The following RRH variants were observed in gnomAD, a reference collection of about 807,000 sequenced individuals.
RRH encodes the protein visual pigment-like receptor peropsin.
Under a neutral mutation model 33.1 loss-of-function variants are expected in RRH, and 36 were observed. The ratio of observed to expected loss-of-function variants is 1.09; its 90% CI spans 0.83 to 1.44. The LOEUF (loss-of-function observed/expected upper bound fraction) is 1.44, where lower values mean the gene tolerates loss of function less well. Among genes scored for constraint, RRH ranks in the 40% most tolerant of loss-of-function variants. RRH has a pLI of 0.00. For missense variants in RRH, 393 were observed against 420.2 expected, an observed-to-expected ratio of 0.94 and a Z score of 0.57; for synonymous variants, 124 against 140.2, an observed-to-expected ratio of 0.88 and a Z score of 0.82.
At position 109,837,521 on chromosome 4, in the gene RRH, C is replaced by CA; in HGVS notation, c.637dup (p.Thr213AsnfsTer5). The CA allele has an allele frequency of 6.2e-7, 1 of 1,613,190 alleles. No individual in the cohort carries two copies. Among genetic ancestry groups the CA allele is most frequent in the Non-Finnish European group, 8.5e-7 (1 of 1,179,172 alleles). Reference sequence around the variant, plus strand: ...TGATGTTTTACTGCTATTACCATGTCACGCTATCCATTAAACATCACACTA... The same window carrying CA: ...TGATGTTTTACTGCTATTACCATGTCAACGCTATCCATTAAACATCACACTA... On this transcript the variant is annotated frameshift_variant, in exon 5 of 7. Coordinates refer to ENST00000317735, the MANE Select transcript of RRH (RefSeq NM_006583.5). LOFTEE classifies it high-confidence loss of function.
intron 2 of RRH, among the ~76,000 whole-genome samples, chr4:109,834,132 C>A (rs1313517900): frequency 1.3e-5 from 2 of 152,036 alleles, no homozygotes; most frequent in Non-Finnish European, 2.9e-5. Context: ...TAAATGATAT[C>A]ATATTGTTTG....
At chr4:109,830,991 C>G (rs137913512) in intron 1 of RRH, among the ~76,000 whole-genome samples, 124 of 152,250 alleles carry the variant, frequency 8.1e-4, no homozygotes, top group Non-Finnish European at 1.5e-3. Context: ...ACTAGGTGAT[C>G]TTTTGTATAC....
intron 5 of RRH, among the ~76,000 whole-genome samples, chr4:109,841,768 T>A (rs1207253280): frequency 6.6e-6 from 1 of 152,172 alleles, no homozygotes; most frequent in Non-Finnish European, 1.5e-5. Flanking sequence ...ATATGTATTA[T>A]CTAATCTCTG....
chr4:109,837,026 A>G (rs1733900005), intron 4 of RRH, among the ~76,000 whole-genome samples: 1 of 152,040 alleles, frequency 6.6e-6, no homozygotes, highest in Non-Finnish European at 1.5e-5. Context: ...GTTCAAGGCT[A>G]CAGTGAGACG....
chr4:109,837,363 A>C, intron 4 of RRH, 74 bp from the exon 5 acceptor site: 8 of 1,251,422 alleles, frequency 6.4e-6, no homozygotes, highest in South Asian at 2.4e-5. Flanking sequence ...TGTTTTTAAT[A>C]ATTATCTCCT....
At chr4:109,832,241 A>C (rs1362625037) in intron 1 of RRH, among the ~76,000 whole-genome samples, 3 of 147,558 alleles carry the variant, frequency 2.0e-5, no homozygotes, top group African/African-American at 7.6e-5. Context: ...GATGTTGAAC[A>C]TGCACATCCA....
intron 5 of RRH, 111 bp downstream of exon 5, chr4:109,837,716 C>G: frequency 1.3e-6 from 1 of 773,916 alleles, no homozygotes. Context: ...CCAATTCTCA[C>G]TCCCCAGCTC....
chr4:109,835,492 A>G, intron 3 of RRH, 27 bp downstream of exon 3: 12 of 1,525,446 alleles, frequency 7.9e-6, no homozygotes, highest in Non-Finnish European at 1.0e-5. Flanking sequence ...AGCTTTCTTA[A>G]TGAATCCATT....
intron 1 of RRH, 139 bp downstream of exon 1, chr4:109,828,272 G>T (rs756315438): frequency 9.4e-6 from 6 of 636,980 alleles, no homozygotes; most frequent in African/African-American, 7.3e-5. Context: ...TGGCTTGCTC[G>T]TTGGTAAATG....
intron 5 of RRH, 84 bp from the exon 6 acceptor site, chr4:109,842,385 C>G (rs1004212284): frequency 2.3e-6 from 3 of 1,278,906 alleles, no homozygotes; most frequent in Non-Finnish European, 3.3e-6. Context: ...AATTCCAACC[C>G]AGATAGATTT....
intron 2 of RRH, among the ~76,000 whole-genome samples, chr4:109,834,641 A>C (rs1579360933): frequency 1.5e-5 from 2 of 137,540 alleles, no homozygotes. Flanking sequence ...CTGCGCCCGG[A>C]CCCCCATTTT....
intron 1 of RRH, among the ~76,000 whole-genome samples, chr4:109,832,548 T>C (rs919699155): frequency 3.5e-5 from 5 of 142,236 alleles, no homozygotes; most frequent in African/African-American, 1.4e-4. Flanking sequence ...ATGAAGAATT[T>C]GGACATGTTG....
At chr4:109,843,768 T>G (rs189440657) in intron 6 of RRH, among the ~76,000 whole-genome samples, 107 of 152,326 alleles carry the variant, frequency 7.0e-4, no homozygotes, top group African/African-American at 2.3e-3. Context: ...TACATATAAT[T>G]ATTTACTTTT....
At chr4:109,838,724 C>T (rs538064110) in intron 5 of RRH, among the ~76,000 whole-genome samples, 2 of 152,318 alleles carry the variant, frequency 1.3e-5, no homozygotes, top group African/African-American at 4.8e-5. Flanking sequence ...AGTCTCCTAG[C>T]TTCCAGCATT....
At chr4:109,828,489 TAA>T (rs1733683878) in intron 1 of RRH, among the ~76,000 whole-genome samples, 1 of 152,156 alleles carries the variant, frequency 6.6e-6, no homozygotes, top group Non-Finnish European at 1.5e-5. Context: ...ATTGGATTGT[TAA>T]AGTTTTTATT....
At chr4:109,843,804 C>T (rs1230620191) in intron 6 of RRH, among the ~76,000 whole-genome samples, 1 of 152,144 alleles carries the variant, frequency 6.6e-6, no homozygotes, top group African/African-American at 2.4e-5. Flanking sequence ...TCTGTAGAAT[C>T]AACAGTGCAA....
chr4:109,833,533 C>A (rs1733807057), intron 2 of RRH, among the ~76,000 whole-genome samples: 1 of 152,042 alleles, frequency 6.6e-6, no homozygotes, highest in Non-Finnish European at 1.5e-5. Context: ...TTTCAAAATT[C>A]TCCCAACTCA....
At chr4:109,841,971 A>C (rs1401781439) in intron 5 of RRH, among the ~76,000 whole-genome samples, 3 of 152,200 alleles carry the variant, frequency 2.0e-5, no homozygotes, top group African/African-American at 7.2e-5. Flanking sequence ...CACTGAGCTC[A>C]AGATAGGATT....
chr4:109,836,686 G>A (rs758523833), intron 4 of RRH, among the ~76,000 whole-genome samples: 5 of 152,064 alleles, frequency 3.3e-5, no homozygotes, highest in Non-Finnish European at 7.4e-5. Context: ...GTTCATTAGA[G>A]GAAATGAAGG....
Sources: gnomAD v4.1 joint callset for allele counts (sites outside exome capture counted in the v4.1 genomes callset) on GRCh38, gnomAD v4.1.1 for gene constraint, MANE v1.5 for transcripts, NCBI Gene and HGNC (gene_info 2026-07-23, HGNC 2026-07-21) for gene names.